PITPNM2: variants seen among roughly 807,000 people sequenced by gnomAD.
The protein encoded by PITPNM2 is phosphatidylinositol transfer protein membrane associated 2, also known as membrane-associated phosphatidylinositol transfer protein 2.
A neutral mutation model predicts 132.2 loss-of-function variants in PITPNM2; 35 were observed. The observed-to-expected ratio is 0.26, with a 90% CI of 0.20 to 0.35. PITPNM2 has a LOEUF of 0.35. Ranked by LOEUF, PITPNM2 falls within the 10% of genes least tolerant of loss-of-function variation. The pLI, the probability that PITPNM2 is intolerant of heterozygous loss-of-function variation, is 1.00. For synonymous variants in PITPNM2, 738 were observed against 799.2 expected, an observed-to-expected ratio of 0.92 and a Z score of 1.29; for missense variants, 1,332 against 1,912.0, an observed-to-expected ratio of 0.70 and a Z score of 5.66.
At position 123,005,384 on chromosome 12, in the gene PITPNM2, G is replaced by A. The variant is rs368206036; in HGVS notation, c.808C>T (p.Leu270Phe). 6 of 1,614,088 alleles carry A rather than the reference G, an allele frequency of 3.7e-6. No individual in the cohort carries two copies. Among genetic ancestry groups the A allele is most frequent in the Non-Finnish European group, 5.1e-6 (6 of 1,180,038 alleles). ...FNEDGEEATELVKHEAVSDQT... is the reference protein window; with the variant it reads ...FNEDGEEATEFVKHEAVSDQT... ...TCCGAGACGGCTTCGTGCTTGACGA[G>A]CTCAGTGGCCTCCTCACCATCCTCA... Residue 270 changes from leucine to phenylalanine, a missense_variant, in exon 7 of 26, where the codon CTC (leucine) becomes TTC (phenylalanine). Physicochemically the swap from Leu to Phe is conservative, Grantham distance 22. Around this residue, in one of 6 missense-constraint regions of PITPNM2, gnomAD observed 710 missense variants for 911.5 expected, o/e 0.78. Coordinates refer to ENST00000320201, the MANE Select transcript of PITPNM2 (RefSeq NM_020845.3). The surrounding 1 kb of genome is among the most constrained non-coding windows in gnomAD (Gnocchi z 6.2).
intron 2 of PITPNM2, among the ~76,000 whole-genome samples, chr12:123,060,176 A>G (rs557862963): frequency 7.2e-5 from 11 of 152,282 alleles, no homozygotes; most frequent in Admixed American, 7.2e-4. Context: ...TTAACCAAAG[A>G]TGCTCCAGCA....
intron 1 of PITPNM2, among the ~76,000 whole-genome samples, chr12:123,130,728 C>G (rs1434896001): frequency 6.6e-6 from 1 of 151,976 alleles, no homozygotes; most frequent in Non-Finnish European, 1.5e-5. Flanking sequence ...TGCAATGAGG[C>G]GAGATCGCAC....
chr12:123,001,940 C>T (rs1419426905), intron 8 of PITPNM2, among the ~76,000 whole-genome samples: 2 of 142,250 alleles, frequency 1.4e-5, no homozygotes, highest in African/African-American at 2.6e-5. Context: ...CTGAGGCAGG[C>T]GAATTACTTG....
At chr12:123,136,732 C>T (rs1414480589) in intron 1 of PITPNM2, among the ~76,000 whole-genome samples, 1 of 151,824 alleles carries the variant, frequency 6.6e-6, no homozygotes, top group African/African-American at 2.4e-5. Flanking sequence ...CCCGTCTCTA[C>T]TAAAAATACA....
At position 123,040,739 on chromosome 12, in the gene PITPNM2, T is replaced by C. The variant is rs150178527; in HGVS notation, c.-95-6054A>G. Among the ~76,000 whole-genome samples the C allele has an allele frequency of 1.5e-3, 232 of 152,218 alleles. 1 individual carries two copies. The highest frequency in any genetic ancestry group is 7.4e-3 in the Admixed American group (113 of 15,304). On this transcript the variant is annotated intron_variant, in intron 2 of 25. Transcript: ENST00000320201. Reference sequence around the variant, plus strand: ...ACGATACTTTTTTAAAAAAAGATCATGTAGAACATGATACTTTTTTAAAAA... The same window carrying C: ...ACGATACTTTTTTAAAAAAAGATCACGTAGAACATGATACTTTTTTAAAAA...
rs1365205486 is a variant in PITPNM2 at position 123,031,300 on chromosome 12, C to T, written c.78+3213G>A. Among the ~76,000 whole-genome samples the T allele has an allele frequency of 6.6e-6, 1 of 152,216 alleles. No homozygotes were observed. The highest frequency in any genetic ancestry group is 2.4e-5 in the African/African-American group (1 of 41,462). On this transcript the variant is annotated intron_variant, in intron 3 of 25. Coordinates refer to ENST00000320201, the MANE Select transcript of PITPNM2 (RefSeq NM_020845.3). The surrounding 1 kb of genome is among the most constrained non-coding windows in gnomAD (Gnocchi z 4.5). ...CCAGCGTTTTGCCCCTCAGAGGGCA[C>T]ACGACCTATGGGCCTGGCAATATCT...
rs1289705182 is a variant in PITPNM2 at position 123,012,613 on chromosome 12, C to T, written c.415G>A (p.Asp139Asn). The change falls in exon 5 of 26, where the codon GAC (aspartate) becomes AAC (asparagine). Residue 139 changes from aspartate to asparagine, a missense_variant and splice_region_variant. Around this residue, in one of 6 missense-constraint regions of PITPNM2, gnomAD observed 122 missense variants for 209.6 expected, o/e 0.58. Coordinates refer to ENST00000320201, the MANE Select transcript of PITPNM2 (RefSeq NM_020845.3). ...SPVEKNQLTI[D>N]FIDIVKDPVP... ...GTGGGGCTCTGCCCTTCCTGGTTAC[C>T]GATTGTCAGCTGGTTCTTTTCCACA... The T allele has an allele frequency of 1.9e-6, 3 of 1,613,848 alleles. No individual in the cohort carries two copies. The highest frequency in any genetic ancestry group is 1.3e-5 in the African/African-American group (1 of 74,926).
intron 1 of PITPNM2, among the ~76,000 whole-genome samples, chr12:123,140,087 T>G (rs902765912): frequency 6.6e-6 from 1 of 152,172 alleles, no homozygotes; most frequent in African/African-American, 2.4e-5. Flanking sequence ...TGACTCTAGA[T>G]GGTCTGAGAA....
intron 1 of PITPNM2, among the ~76,000 whole-genome samples, chr12:123,119,651 C>T (rs1199747937): frequency 6.6e-6 from 1 of 152,108 alleles, no homozygotes; most frequent in African/African-American, 2.4e-5. Context: ...AGCCACCGCG[C>T]CTGGCTGAGG....
intron 2 of PITPNM2, among the ~76,000 whole-genome samples, chr12:123,052,150 C>T (rs1266091730): frequency 3.6e-5 from 5 of 137,282 alleles, no homozygotes. Flanking sequence ...TGGTCTTGAA[C>T]TCCTGACCTC....
intron 2 of PITPNM2, among the ~76,000 whole-genome samples, chr12:123,055,961 C>T (rs1015642871): frequency 6.6e-6 from 1 of 152,122 alleles, no homozygotes; most frequent in Admixed American, 6.6e-5. Flanking sequence ...TAGAGTGGCA[C>T]CTTTTTATGA....
intron 2 of PITPNM2, among the ~76,000 whole-genome samples, chr12:123,040,385 T>C (rs1007025597): frequency 6.6e-6 from 1 of 152,180 alleles, no homozygotes; most frequent in Non-Finnish European, 1.5e-5. Context: ...TAGCAAAGTT[T>C]ATGTTATATA....
chr12:123,028,305 G>A (rs1254986716), intron 3 of PITPNM2, among the ~76,000 whole-genome samples: 4 of 152,218 alleles, frequency 2.6e-5, no homozygotes, highest in Admixed American at 6.5e-5. Flanking sequence ...TTTGACGCGC[G>A]AGCCCAGCCC....
chr12:123,013,688 C>A, intron 4 of PITPNM2, 140 bp downstream of exon 4: 2 of 1,014,018 alleles, frequency 2.0e-6, no homozygotes, highest in Non-Finnish European at 2.9e-6. Flanking sequence ...CTGTATGGAA[C>A]AAAGCCTGGG....
chr12:123,138,048 C>T (rs2043420299), intron 1 of PITPNM2, among the ~76,000 whole-genome samples: 1 of 152,086 alleles, frequency 6.6e-6, no homozygotes, highest in South Asian at 2.1e-4. Context: ...CAGAGGCAAA[C>T]CAAAGTCAAA....
At chr12:122,991,202 C>A (rs1488196771) in intron 16 of PITPNM2, among the ~76,000 whole-genome samples, 1 of 152,226 alleles carries the variant, frequency 6.6e-6, no homozygotes, top group Non-Finnish European at 1.5e-5. Flanking sequence ...AGGCCACAGC[C>A]AGCAGCCCCT....
At position 123,005,260 on chromosome 12, in the gene PITPNM2, G is replaced by A. The variant is rs1281442766; in HGVS notation, c.932C>T (p.Ser311Phe). 6.2e-7 allele frequency: 1 copy of A among 1,612,718 alleles called. No homozygotes were observed. The highest frequency in any genetic ancestry group is 1.3e-5 in the African/African-American group (1 of 74,994). ...CTTACCTCCCCGCTTGGACGACCGAGACGACTTGGAGGATGTGGACCACTG... is the reference window on the plus strand; with the variant it reads ...CTTACCTCCCCGCTTGGACGACCGAAACGACTTGGAGGATGTGGACCACTG... ...KKQWSTSSKS[S>F]RSSKRGASPS... The change falls in exon 7 of 26, where the codon TCT (serine) becomes TTT (phenylalanine). Residue 311 changes from serine to phenylalanine, a missense_variant. Coordinates refer to ENST00000320201, the MANE Select transcript of PITPNM2 (RefSeq NM_020845.3). This position sits in a 1 kb window ranked among gnomAD's most constrained non-coding sequence, Gnocchi z 6.2.
chr12:123,015,524 C>T (rs1166898073), intron 3 of PITPNM2, among the ~76,000 whole-genome samples: 1 of 152,110 alleles, frequency 6.6e-6, no homozygotes, highest in Admixed American at 6.6e-5. Context: ...CCCTATCTCA[C>T]AGCAGATACA....
At position 123,064,622 on chromosome 12, in the gene PITPNM2, G is replaced by A. The variant is rs768243252; in HGVS notation, c.-95-29937C>T. On this transcript the variant is annotated intron_variant, in intron 2 of 25. Transcript: ENST00000320201. This position sits in a 1 kb window ranked among gnomAD's most constrained non-coding sequence, Gnocchi z 4.0. ...AGGCTGACTGGGTCAAAAACAAAAC[G>A]AGCCCAGCAACACCCCTGTGTCAAC... Among the ~76,000 whole-genome samples, 6 of 152,126 alleles carry A rather than the reference G, an allele frequency of 3.9e-5. No individual in the cohort carries two copies. The highest frequency in any genetic ancestry group is 7.4e-5 in the Non-Finnish European group (5 of 68,026).
Sources: allele counts gnomAD v4.1 joint callset (sites outside exome capture counted in the v4.1 genomes callset), GRCh38; gene constraint gnomAD v4.1.1; regional missense constraint gnomAD v4.1.1; non-coding constraint Gnocchi (gnomAD v3.1); transcripts MANE v1.5; gene names NCBI Gene and HGNC (gene_info 2026-07-23, HGNC 2026-07-21).